The following PCDH7 variants were observed in gnomAD, a reference collection of about 807,000 sequenced individuals.
PCDH7 encodes the protein protocadherin-7.
In PCDH7, 17 loss-of-function variants were observed where a neutral mutation model predicts 58.9. The ratio of observed to expected loss-of-function variants is 0.29; its 90% CI spans 0.20 to 0.43. The LOEUF (loss-of-function observed/expected upper bound fraction) is 0.43, where lower values mean the gene tolerates loss of function less well. Ranked by LOEUF, PCDH7 falls within the 20% of genes least tolerant of loss-of-function variation. PCDH7 has a pLI of 1.00. For missense variants in PCDH7, 1,274 were observed against 1,441.0 expected, an observed-to-expected ratio of 0.88 and a Z score of 1.88; for synonymous variants, 664 against 616.4, an observed-to-expected ratio of 1.08 and a Z score of -1.14.
intron 1 of PCDH7, among the ~76,000 whole-genome samples, chr4:30,789,169 A>G (rs1723797010): frequency 6.6e-6 from 1 of 152,144 alleles, no homozygotes; most frequent in Admixed American, 6.6e-5. Context: ...AGCAGTACCC[A>G]AGTACAAAAT....
chr4:30,948,656 T>A (rs1034718301), intron 2 of PCDH7, among the ~76,000 whole-genome samples: 5 of 152,142 alleles, frequency 3.3e-5, no homozygotes, highest in Non-Finnish European at 7.4e-5. Context: ...TAAAATTAAG[T>A]TTGCTACTTT....
intron 1 of PCDH7, among the ~76,000 whole-genome samples, chr4:30,738,502 T>C (rs1421075415): frequency 6.6e-6 from 1 of 152,198 alleles, no homozygotes; most frequent in African/African-American, 2.4e-5. Context: ...GCTTACTATA[T>C]CTAACTTATT....
chr4:30,896,951 C>T (rs766248226), intron 1 of PCDH7, among the ~76,000 whole-genome samples: 16 of 118,328 alleles, frequency 1.4e-4, no homozygotes, highest in Non-Finnish European at 2.3e-4. Flanking sequence ...GTCACCCAGG[C>T]TGGAGTGCAG....
chr4:30,946,432 A>T (rs751880080), intron 2 of PCDH7, among the ~76,000 whole-genome samples: 11 of 151,792 alleles, frequency 7.2e-5, no homozygotes, highest in Non-Finnish European at 1.6e-4. Flanking sequence ...CACAAAATCC[A>T]CCCTGTTTGA....
At chr4:30,923,005 A>G (rs1743382462) in intron 2 of PCDH7, among the ~76,000 whole-genome samples, 1 of 152,172 alleles carries the variant, frequency 6.6e-6, no homozygotes, top group Admixed American at 6.5e-5. Flanking sequence ...AAACCTGTCA[A>G]GTATTCATTT....
intron 1 of PCDH7, among the ~76,000 whole-genome samples, chr4:30,800,164 T>C (rs1229520836): frequency 6.6e-6 from 1 of 152,016 alleles, no homozygotes; most frequent in Non-Finnish European, 1.5e-5. Flanking sequence ...AGCGTATGAA[T>C]ATAACTTCTA....
At chr4:30,853,540 T>A (rs1358433874) in intron 1 of PCDH7, among the ~76,000 whole-genome samples, 1 of 152,096 alleles carries the variant, frequency 6.6e-6, no homozygotes, top group Admixed American at 6.6e-5. Flanking sequence ...TATTAGATCC[T>A]AGGAGGATTC....
At position 30,723,048 on chromosome 4, in the gene PCDH7, T is replaced by C. The variant is rs148665754; in HGVS notation, c.1626T>C (p.Val542=). 44 of 1,613,700 alleles carry C rather than the reference T, an allele frequency of 2.7e-5. 1 individual carries two copies. The African/African-American group carries it at 5.2e-4, about 19-fold the overall frequency. Residue 542 remains valine, a synonymous_variant, in exon 1 of 2, where the codon GTT becomes GTC. Coordinates refer to ENST00000361762, the Ensembl canonical transcript of PCDH7. The surrounding 1 kb of genome is among the most constrained non-coding windows in gnomAD (Gnocchi z 4.6). ...TGTTCGGCCAGTCGGTGGTGGAGGT[T>C]TACTTCCCTGAGAACAACATCCCGG...
intron 2 of PCDH7, among the ~76,000 whole-genome samples, chr4:30,922,038 T>C (rs565009102): frequency 4.6e-5 from 7 of 151,872 alleles, no homozygotes; most frequent in African/African-American, 1.7e-4. Context: ...ATTATGTAAT[T>C]ACATGTATGT....
At chr4:31,003,429 C>T (rs1223610940) in intron 3 of PCDH7, among the ~76,000 whole-genome samples, 1 of 151,324 alleles carries the variant, frequency 6.6e-6, no homozygotes, top group Non-Finnish European at 1.5e-5. Flanking sequence ...TCCTTCTAGT[C>T]CTCGTTTTTT....
intron 1 of PCDH7, among the ~76,000 whole-genome samples, chr4:30,787,264 A>G (rs747665216): frequency 6.6e-6 from 1 of 152,106 alleles, no homozygotes; most frequent in Non-Finnish European, 1.5e-5. Flanking sequence ...TGGATGCATT[A>G]TATAGAAATC....
chr4:30,765,186 G>T (rs571334495), intron 1 of PCDH7, among the ~76,000 whole-genome samples: 1 of 125,894 alleles, frequency 7.9e-6, no homozygotes, highest in South Asian at 2.6e-4. Flanking sequence ...ATGAGTTAGG[G>T]TGTCTCATTT....
intron 1 of PCDH7, among the ~76,000 whole-genome samples, chr4:30,857,901 C>T (rs926733304): frequency 6.6e-6 from 1 of 152,036 alleles, no homozygotes; most frequent in Non-Finnish European, 1.5e-5. Context: ...ATAAACAATG[C>T]AGTTCATTGG....
At chr4:31,046,625 C>T (rs1310025818) in intron 3 of PCDH7, among the ~76,000 whole-genome samples, 2 of 151,654 alleles carry the variant, frequency 1.3e-5, no homozygotes, top group Non-Finnish European at 2.9e-5. Flanking sequence ...AAAGCATTTC[C>T]AAAAGTATAC....
intron 1 of PCDH7, among the ~76,000 whole-genome samples, chr4:30,818,864 C>G (rs1728013577): frequency 6.6e-6 from 1 of 151,854 alleles, no homozygotes; most frequent in Admixed American, 6.6e-5. Flanking sequence ...GATTACAAAA[C>G]AGGGCTCAAA....
At chr4:31,054,871 T>C (rs2109226568) in intron 3 of PCDH7, among the ~76,000 whole-genome samples, 1 of 152,326 alleles carries the variant, frequency 6.6e-6, no homozygotes, top group South Asian at 2.1e-4. Flanking sequence ...ATAGCATCTT[T>C]TATTTAAGAA....
chr4:30,746,151 T>G (rs1317012485), intron 1 of PCDH7, among the ~76,000 whole-genome samples: 2 of 152,158 alleles, frequency 1.3e-5, no homozygotes, highest in East Asian at 3.9e-4. Context: ...TTTTTACAAA[T>G]CCTGAAGCAA....
intron 2 of PCDH7, among the ~76,000 whole-genome samples, chr4:30,931,539 A>T (rs1744594657): frequency 6.6e-6 from 1 of 152,032 alleles, no homozygotes; most frequent in South Asian, 2.1e-4. Context: ...ATGCCATTGC[A>T]CTCCAGCCTG....
At chr4:30,876,241 C>G (rs1736268159) in intron 1 of PCDH7, among the ~76,000 whole-genome samples, 1 of 151,908 alleles carries the variant, frequency 6.6e-6, no homozygotes, top group South Asian at 2.1e-4. Flanking sequence ...GAAAACATAT[C>G]AGAATGGAAA....
Sources: allele counts gnomAD v4.1 joint callset (sites outside exome capture counted in the v4.1 genomes callset), GRCh38; gene constraint gnomAD v4.1.1; non-coding constraint Gnocchi (gnomAD v3.1); transcripts MANE v1.5; gene names NCBI Gene and HGNC (gene_info 2026-07-23, HGNC 2026-07-21).